The following PRKCA variants were observed in gnomAD, a reference collection of about 807,000 sequenced individuals.
PRKCA encodes the protein protein kinase C alpha type.
Under a neutral mutation model 87.0 loss-of-function variants are expected in PRKCA, and 27 were observed. The observed-to-expected ratio is 0.31, with a 90% CI of 0.23 to 0.43. The LOEUF is 0.43. Ranked by LOEUF, PRKCA falls within the 20% of genes least tolerant of loss-of-function variation. The pLI is 1.00. For synonymous variants in PRKCA, 329 were observed against 311.1 expected (o/e 1.06, Z -0.61); for missense variants, 518 against 852.3 (o/e 0.61, Z 4.88).
chr17:66,591,275 C>T (rs1969795421), intron 3 of PRKCA, among the ~76,000 whole-genome samples: 1 of 152,082 alleles, frequency 6.6e-6, no homozygotes. Context: ...TCCTCAGCCC[C>T]ACAAGTACCT....
chr17:66,436,055 A>G (rs554582544), intron 2 of PRKCA, among the ~76,000 whole-genome samples: 118 of 152,282 alleles, frequency 7.7e-4, no homozygotes, highest in African/African-American at 2.8e-3. Context: ...GATGGCTGGC[A>G]GGGGAAAAGG....
rs375909052 is a variant in PRKCA, at chr17:66,645,555, G to A, written c.529+44G>A. Reference sequence around the variant, plus strand: ...GGAGCAGCATCGTGGGCAGGCATTTGGATGAAGGTTACACTGATATTAAGG... The same window carrying A: ...GGAGCAGCATCGTGGGCAGGCATTTAGATGAAGGTTACACTGATATTAAGG... On this transcript the variant is annotated intron_variant, in intron 5 of 16. Coordinates refer to ENST00000413366, the MANE Select transcript of PRKCA (RefSeq NM_002737.3). 6.8e-6 allele frequency: 11 copies of A among 1,612,172 alleles called. No individual in the cohort carries two copies. In the African/African-American group the frequency reaches 1.5e-4, roughly 21 times the overall value.
chr17:66,496,731 C>A (rs555295019), intron 3 of PRKCA, among the ~76,000 whole-genome samples: 1 of 152,034 alleles, frequency 6.6e-6, no homozygotes, highest in Admixed American at 6.5e-5. Context: ...GCAACCTCCG[C>A]CTTCCAGGTT....
intron 3 of PRKCA, among the ~76,000 whole-genome samples, chr17:66,526,960 T>C (rs189615211): frequency 2.6e-5 from 4 of 152,258 alleles, no homozygotes; most frequent in East Asian, 3.9e-4. Flanking sequence ...CTATAGCTTA[T>C]TGGGCCACAT....
At chr17:66,697,699 C>CT (rs1190365022) in intron 8 of PRKCA, among the ~76,000 whole-genome samples, 8 of 152,194 alleles carry the variant, frequency 5.3e-5, no homozygotes, top group Non-Finnish European at 1.2e-4. Flanking sequence ...GAAAGAGAAG[C>CT]TGCTGGCCCT....
intron 16 of PRKCA, among the ~76,000 whole-genome samples, chr17:66,798,407 A>ACGGTGGTGGTGG (rs1975726960): frequency 1.1e-4 from 5 of 47,564 alleles, no homozygotes; most frequent in East Asian, 7.4e-4. Flanking sequence ...GGTGGTGGTG[A>ACGGTGGTGGTGG]TGGTGATGGT....
intron 1 of PRKCA, among the ~76,000 whole-genome samples, chr17:66,304,368 T>C (rs1461925376): frequency 6.6e-6 from 1 of 152,226 alleles, no homozygotes; most frequent in African/African-American, 2.4e-5. Flanking sequence ...GTCCTCTAGT[T>C]AGAGCAGCAG....
rs754305882 is a variant in PRKCA at position 66,302,801 on chromosome 17, C to T, written c.-51C>T. On this transcript the variant is annotated 5_prime_UTR_variant, in exon 1 of 17. Coordinates refer to ENST00000413366, the MANE Select transcript of PRKCA (RefSeq NM_002737.3). ...CCCCCGCCGCCCCCGCCCACCCGGC[C>T]CTCCGCGGCCGCAGCTCCCCGGCGG... is the stretch of plus-strand genomic sequence containing the variant. 4.0e-5 allele frequency: 57 copies of T among 1,436,480 alleles called. No individual in the cohort carries two copies. The South Asian group carries it at 6.5e-4, about 16-fold the overall frequency. 89.0% of individuals were successfully genotyped at this position (1,436,480 alleles called of 1,614,324 possible).
At chr17:66,710,553 C>A (rs1416689403) in intron 8 of PRKCA, among the ~76,000 whole-genome samples, 1 of 152,150 alleles carries the variant, frequency 6.6e-6, no homozygotes, top group Non-Finnish European at 1.5e-5. Flanking sequence ...CCTCAGCCTG[C>A]AGCCATGCTC....
chr17:66,398,404 C>G (rs1910813743), intron 2 of PRKCA, among the ~76,000 whole-genome samples: 1 of 152,186 alleles, frequency 6.6e-6, no homozygotes, highest in Non-Finnish European at 1.5e-5. Flanking sequence ...AATAGTGGCT[C>G]ATGATGGCTT....
chr17:66,316,246 G>A (rs1418535799), intron 2 of PRKCA, among the ~76,000 whole-genome samples: 1 of 152,160 alleles, frequency 6.6e-6, no homozygotes, highest in East Asian at 1.9e-4. Flanking sequence ...TATGTAGGGA[G>A]CTACTTCATG....
At chr17:66,445,072 G>A (rs529566020) in intron 2 of PRKCA, among the ~76,000 whole-genome samples, 2 of 152,186 alleles carry the variant, frequency 1.3e-5, no homozygotes, top group South Asian at 2.1e-4. Context: ...TCCAGATGTC[G>A]CCTTTGGATG....
intron 2 of PRKCA, among the ~76,000 whole-genome samples, chr17:66,371,928 G>A (rs1315234617): frequency 6.6e-6 from 1 of 152,170 alleles, no homozygotes; most frequent in Non-Finnish European, 1.5e-5. Flanking sequence ...AAATTGAACT[G>A]AAAAATTGAA....
At chr17:66,374,456 A>G (rs1909300470) in intron 2 of PRKCA, among the ~76,000 whole-genome samples, 1 of 152,182 alleles carries the variant, frequency 6.6e-6, no homozygotes, top group Non-Finnish European at 1.5e-5. Context: ...TCTGCTGCTT[A>G]CAGGGCCTCA....
chr17:66,733,723 T>C (rs1973959618), intron 9 of PRKCA, among the ~76,000 whole-genome samples: 2 of 151,898 alleles, frequency 1.3e-5, no homozygotes, highest in South Asian at 2.1e-4. Context: ...ACCTGGGAGG[T>C]GGAGGTTGCA....
chr17:66,426,509 A>G (rs1446356481), intron 2 of PRKCA, among the ~76,000 whole-genome samples: 1 of 152,132 alleles, frequency 6.6e-6, no homozygotes, highest in Non-Finnish European at 1.5e-5. Flanking sequence ...ACGTTAAAAG[A>G]TTTGGGTGGT....
At chr17:66,359,002 A>G (rs1377455763) in intron 2 of PRKCA, among the ~76,000 whole-genome samples, 5 of 151,600 alleles carry the variant, frequency 3.3e-5, no homozygotes, top group African/African-American at 9.7e-5. Flanking sequence ...TCTTAAATTA[A>G]TAATGACTTT....
chr17:66,482,387 GC>G (rs1412859404), intron 2 of PRKCA, among the ~76,000 whole-genome samples: 1 of 152,162 alleles, frequency 6.6e-6, no homozygotes, highest in African/African-American at 2.4e-5. Context: ...CCCTTCCAGT[GC>G]CCACCTAGAG....
At chr17:66,525,522 A>G (rs1364329380) in intron 3 of PRKCA, among the ~76,000 whole-genome samples, 2 of 152,168 alleles carry the variant, frequency 1.3e-5, no homozygotes, top group Non-Finnish European at 2.9e-5. Context: ...TTGTGGAGAG[A>G]GACAGATTAG....
Sources: allele counts gnomAD v4.1 joint callset (sites outside exome capture counted in the v4.1 genomes callset), GRCh38; gene constraint gnomAD v4.1.1; transcripts MANE v1.5; gene names NCBI Gene and HGNC (gene_info 2026-07-23, HGNC 2026-07-21).